KCNQ3: variants seen among roughly 807,000 people sequenced by gnomAD.
KCNQ3 encodes the protein potassium voltage-gated channel subfamily KQT member 3.
KCNQ3 carries 30 observed loss-of-function variants against 92.5 expected under a neutral mutation model. The ratio of observed to expected loss-of-function variants is 0.32; its 90% CI spans 0.24 to 0.44. The LOEUF (loss-of-function observed/expected upper bound fraction) is 0.44. Among genes scored for constraint, KCNQ3 ranks in the 20% least tolerant of loss-of-function variants. KCNQ3 has a pLI of 1.00. For missense variants in KCNQ3, 913 were observed against 1,140.3 expected (o/e 0.80, Z 2.87); for synonymous variants, 450 against 468.8 (o/e 0.96, Z 0.52).
At chr8:132,261,613 C>A (rs945118710) in intron 1 of KCNQ3, among the ~76,000 whole-genome samples, 15 of 152,156 alleles carry the variant, frequency 9.9e-5, no homozygotes, top group African/African-American at 2.9e-4. Context: ...CAGTGGGGAC[C>A]AAGCTGGCAG....
chr8:132,370,736 A>T (rs1819452413), intron 1 of KCNQ3, among the ~76,000 whole-genome samples: 1 of 152,178 alleles, frequency 6.6e-6, no homozygotes, highest in African/African-American at 2.4e-5. Flanking sequence ...GTACTATTGG[A>T]AATAATAATT....
chr8:132,282,773 T>C (rs1409185930), intron 1 of KCNQ3, among the ~76,000 whole-genome samples: 1 of 152,114 alleles, frequency 6.6e-6, no homozygotes, highest in African/African-American at 2.4e-5. Flanking sequence ...GCTACCAAAA[T>C]AGAATTGTGC....
chr8:132,162,588 G>A (rs527656503), intron 9 of KCNQ3, among the ~76,000 whole-genome samples: 31 of 152,088 alleles, frequency 2.0e-4, no homozygotes, highest in Non-Finnish European at 2.6e-4. Context: ...CCTCCTTTAC[G>A]ATCTCCTCAA....
At chr8:132,424,041 A>C (rs188939785) in intron 1 of KCNQ3, among the ~76,000 whole-genome samples, 1 of 152,298 alleles carries the variant, frequency 6.6e-6, no homozygotes, top group East Asian at 1.9e-4. Context: ...ATCTCAAATG[A>C]AAAGCTTGAT....
At chr8:132,184,505 T>TTG in intron 2 of KCNQ3, 138 bp from the exon 3 acceptor site, 13 of 546,686 alleles carry the variant, frequency 2.4e-5, no homozygotes, top group East Asian at 5.3e-5. Flanking sequence ...TGGCTGGGGA[T>TTG]GGGGGTGGGG....
chr8:132,157,851 C>T (rs1825854265), intron 9 of KCNQ3, among the ~76,000 whole-genome samples: 1 of 152,038 alleles, frequency 6.6e-6, no homozygotes, highest in African/African-American at 2.4e-5. Flanking sequence ...CCGACAGGCC[C>T]CGGTGTGTGA....
chr8:132,177,770 A>T (rs192666997), intron 4 of KCNQ3, among the ~76,000 whole-genome samples: 1 of 152,366 alleles, frequency 6.6e-6, no homozygotes, highest in Admixed American at 6.5e-5. Flanking sequence ...CCCAGAGTAC[A>T]ATGAATAAAT....
In KCNQ3 at chr8:132,394,763, A is replaced by C. The variant is rs944714069; in HGVS notation, c.386+85384T>G. On this transcript the variant is annotated intron_variant, in intron 1 of 14. Coordinates refer to ENST00000388996, the MANE Select transcript of KCNQ3 (RefSeq NM_004519.4). ...GTAGCCTGAAGTCAGACAGGACCCC[A>C]GATTGGATCATTTGCTTATTTAACC... 1.2e-4 allele frequency among the ~76,000 whole-genome samples: 19 copies of C among 152,322 alleles called. No individual in the cohort carries two copies. In the South Asian group the frequency reaches 2.1e-3, roughly 17 times the overall value.
chr8:132,410,315 A>G (rs934360224), intron 1 of KCNQ3, among the ~76,000 whole-genome samples: 2 of 152,208 alleles, frequency 1.3e-5, no homozygotes, highest in African/African-American at 4.8e-5. Flanking sequence ...AGATTTTCCT[A>G]AAGGGAGAGG....
chr8:132,251,304 G>C (rs1815401595), intron 1 of KCNQ3, among the ~76,000 whole-genome samples: 1 of 152,104 alleles, frequency 6.6e-6, no homozygotes, highest in African/African-American at 2.4e-5. Flanking sequence ...CTCCAAAAAA[G>C]CTGCCTTCAT....
intron 9 of KCNQ3, among the ~76,000 whole-genome samples, chr8:132,154,574 A>C (rs1269550573): frequency 2.0e-5 from 3 of 152,146 alleles, no homozygotes; most frequent in African/African-American, 7.2e-5. Flanking sequence ...TGATAGATGC[A>C]GGAGGCTGGT....
chr8:132,286,811 C>T (rs1317387938), intron 1 of KCNQ3, among the ~76,000 whole-genome samples: 2 of 152,178 alleles, frequency 1.3e-5, no homozygotes, highest in African/African-American at 2.4e-5. Flanking sequence ...GAATTAATGG[C>T]TTTTTCATAA....
At chr8:132,290,016 G>GA (rs1816795527) in intron 1 of KCNQ3, among the ~76,000 whole-genome samples, 1 of 152,156 alleles carries the variant, frequency 6.6e-6, no homozygotes, top group Non-Finnish European at 1.5e-5. Context: ...CACATCTGTA[G>GA]AAAAATGGTT....
At position 132,129,343 on chromosome 8, in the gene KCNQ3, C is replaced by A. The variant is rs541215515; in HGVS notation, c.2538G>T (p.Thr846=). 5 of 1,614,038 alleles carry A rather than the reference C, an allele frequency of 3.1e-6. 1 individual carries two copies. In the South Asian group the frequency reaches 5.5e-5, roughly 18 times the overall value. The change falls in exon 15 of 15, where the codon ACG becomes ACT. Residue 846 remains threonine (T), a synonymous_variant. Transcript: ENST00000388996. This position sits in a 1 kb window ranked among gnomAD's most constrained non-coding sequence, Gnocchi z 5.9. Reference sequence around the variant, plus strand: ...ACGACAGAGGCATGGAGCCGCTGGGCGTGAAGGGGTCCGTGTCTGTGTCCG... The same window carrying A: ...ACGACAGAGGCATGGAGCCGCTGGGAGTGAAGGGGTCCGTGTCTGTGTCCG... ...GETDTDTDPF[T]PSGSMPLSST...
Position 132,480,488 on chromosome 8 carries a change from G to C in KCNQ3, c.45C>G (p.Gly15=). 1 of 1,174,610 alleles carries C rather than the reference G, an allele frequency of 8.5e-7. No individual in the cohort carries two copies. Among genetic ancestry groups the C allele is most frequent in the Non-Finnish European group, 1.0e-6 (1 of 956,288 alleles). The allele number at this position is 1,174,610 out of a possible 1,614,324, so 72.8% of individuals were successfully genotyped here. The part of the protein sequence containing the change: ...ARRAAGAAGG[G]GDGGGGGGGA... ...CGCCGCCTCCGCCGCCCCCGTCGCC[G>C]CCGCCGCCAGCCGCCCCCGCCGCCC... The change falls in exon 1 of 15, where the codon GGC becomes GGG. Residue 15 remains glycine, a synonymous_variant. Transcript: ENST00000388996.
At chr8:132,167,865 G>A (rs1329077128) in intron 8 of KCNQ3, among the ~76,000 whole-genome samples, 1 of 152,182 alleles carries the variant, frequency 6.6e-6, no homozygotes, top group East Asian at 1.9e-4. Flanking sequence ...TCTTGGTTCT[G>A]CATCCAAAGT....
At chr8:132,412,534 G>A (rs1820678415) in intron 1 of KCNQ3, among the ~76,000 whole-genome samples, 1 of 152,188 alleles carries the variant, frequency 6.6e-6, no homozygotes, top group African/African-American at 2.4e-5. Context: ...AAATTCTTTT[G>A]CAAATGCCAC....
At chr8:132,218,069 C>G (rs1393210664) in intron 1 of KCNQ3, among the ~76,000 whole-genome samples, 2 of 152,120 alleles carry the variant, frequency 1.3e-5, no homozygotes, top group East Asian at 3.8e-4. Flanking sequence ...TGAGCTTTAT[C>G]CCTGAAACAT....
intron 5 of KCNQ3, among the ~76,000 whole-genome samples, chr8:132,174,935 T>G (rs1826500112): frequency 6.6e-6 from 1 of 152,248 alleles, no homozygotes. Flanking sequence ...TTACTTAACT[T>G]CTTCATGCTT....
Sources: allele counts gnomAD v4.1 joint callset (sites outside exome capture counted in the v4.1 genomes callset), GRCh38; gene constraint gnomAD v4.1.1; non-coding constraint Gnocchi (gnomAD v3.1); transcripts MANE v1.5; gene names NCBI Gene and HGNC (gene_info 2026-07-23, HGNC 2026-07-21).